PKP2: variants seen among roughly 807,000 people sequenced by gnomAD.
PKP2 encodes plakophilin 2.
A neutral mutation model predicts 83.4 loss-of-function variants in PKP2; 73 were observed. The ratio of observed to expected loss-of-function variants is 0.88; its 90% CI spans 0.72 to 1.06. PKP2 has a LOEUF of 1.06. Ranked by LOEUF, PKP2 falls within the 50% of genes least tolerant of loss-of-function variation. The probability of loss-of-function intolerance (pLI) is 0.00; values close to 1 mark genes in which losing one functional copy is unlikely to be tolerated. For synonymous variants in PKP2, 409 were observed against 430.4 expected (o/e 0.95, Z 0.62); for missense variants, 966 against 1,065.4 (o/e 0.91, Z 1.30).
intron 8 of PKP2, chr12:32,821,764 A>G: frequency 2.0e-6 from 1 of 493,046 alleles, no homozygotes; most frequent in Non-Finnish European, 3.7e-6. Context: ...TATTTCTCCC[A>G]GTGAGAGAAA....
chr12:32,873,558 C>G (rs527489806), intron 3 of PKP2, among the ~76,000 whole-genome samples: 2 of 152,172 alleles, frequency 1.3e-5, no homozygotes, highest in Admixed American at 6.5e-5. Flanking sequence ...GAGACTGAGT[C>G]TTGCTCCTTC....
intron 11 of PKP2, among the ~76,000 whole-genome samples, chr12:32,793,671 C>T (rs1023476639): frequency 5.3e-5 from 7 of 131,590 alleles, no homozygotes; most frequent in African/African-American, 1.7e-4. Flanking sequence ...TCTCGGCTCA[C>T]TGCAACCTCC....
At chr12:32,874,799 G>A (rs182208694) in intron 3 of PKP2, among the ~76,000 whole-genome samples, 82 of 152,160 alleles carry the variant, frequency 5.4e-4, no homozygotes, top group African/African-American at 1.9e-3. Flanking sequence ...GGGGTACAGT[G>A]GCACAATCAC....
At position 32,824,187 on chromosome 12, in the gene PKP2, A is replaced by G. The variant is rs199972182; in HGVS notation, c.1557-25T>C. On this transcript the variant is annotated intron_variant, in intron 6 of 12. Transcript: ENST00000340811. ...TCTATCAGAAAAAACAAAAAACAAA[A>G]AAGTAAGTCTAGGCTGTGTATCCAA... 95 of 1,464,040 alleles carry G rather than the reference A, an allele frequency of 6.5e-5. No homozygotes were observed. In the African/African-American group the frequency reaches 1.3e-3, roughly 19 times the overall value. The allele number at this position is 1,464,040 out of a possible 1,614,324, so 90.7% of individuals were successfully genotyped here.
chr12:32,873,151 G>A (rs535860217), intron 3 of PKP2, among the ~76,000 whole-genome samples: 2 of 151,878 alleles, frequency 1.3e-5, no homozygotes, highest in Non-Finnish European at 2.9e-5. Context: ...CCAGGCTGGA[G>A]TGCAGTGTCA....
intron 5 of PKP2, chr12:32,843,046 C>T: frequency 2.8e-6 from 1 of 354,334 alleles, no homozygotes; most frequent in East Asian, 7.4e-5. Flanking sequence ...GTGGCACAAT[C>T]TTGGCTCACT....
chr12:32,831,754 C>T (rs935466178), intron 6 of PKP2, among the ~76,000 whole-genome samples: 3 of 152,060 alleles, frequency 2.0e-5, no homozygotes, highest in Non-Finnish European at 2.9e-5. Flanking sequence ...TAATCTGGAC[C>T]AATCTGGTAA....
chr12:32,804,907 C>T (rs1305400774), intron 9 of PKP2, among the ~76,000 whole-genome samples: 1 of 152,238 alleles, frequency 6.6e-6, no homozygotes, highest in African/African-American at 2.4e-5. Context: ...AACTAATTTG[C>T]ACTCCCACCA....
intron 6 of PKP2, among the ~76,000 whole-genome samples, chr12:32,835,212 C>A (rs1956534536): frequency 1.3e-5 from 2 of 152,032 alleles, no homozygotes; most frequent in South Asian, 4.1e-4. Context: ...CGCCACTACA[C>A]CCAGCTAATT....
intron 4 of PKP2, among the ~76,000 whole-genome samples, chr12:32,865,110 C>G (rs1309019745): frequency 6.6e-6 from 1 of 151,932 alleles, no homozygotes; most frequent in South Asian, 2.1e-4. Context: ...TGTGGTGGCT[C>G]ACACCTGTAA....
chr12:32,819,104 C>G (rs968004437), intron 9 of PKP2, among the ~76,000 whole-genome samples: 1 of 151,784 alleles, frequency 6.6e-6, no homozygotes, highest in African/African-American at 2.4e-5. Context: ...ATGGTGAAAC[C>G]TCATCTCTAC....
At position 32,824,033 on chromosome 12, in the gene PKP2, C is replaced by G. The variant is rs1592738555; in HGVS notation, c.1674+12G>C. 10 of 1,448,626 alleles carry G rather than the reference C, an allele frequency of 6.9e-6. No homozygotes were observed. The highest frequency in any genetic ancestry group is 9.7e-6 in the Non-Finnish European group (10 of 1,030,780). 89.7% of individuals were successfully genotyped at this position (1,448,626 alleles called of 1,614,324 possible). On this transcript the variant is annotated intron_variant, in intron 7 of 12. Transcript: ENST00000340811. ...TAGTAAGACAAAACAGGATATTTATCTCTTGAATTACCTTGTCATCTGGCT... is the reference window on the plus strand; with the variant it reads ...TAGTAAGACAAAACAGGATATTTATGTCTTGAATTACCTTGTCATCTGGCT...
chr12:32,895,352 C>T (rs1163487138), intron 1 of PKP2, among the ~76,000 whole-genome samples: 1 of 152,180 alleles, frequency 6.6e-6, no homozygotes, highest in East Asian at 1.9e-4. Flanking sequence ...CTTTTACACA[C>T]ACAGTACAGC....
Position 32,807,328 on chromosome 12 carries a change from T to G in PKP2, c.2014-4772A>C, listed in dbSNP as rs189023292. On this transcript the variant is annotated intron_variant, in intron 9 of 12. Transcript: ENST00000340811. ...GATCTTTGCTGGTGTAAAGTCTGTT[T>G]TGTCAGAACTAGGATTGCAACCCTT... 4.6e-5 allele frequency among the ~76,000 whole-genome samples: 7 copies of G among 152,314 alleles called. No individual in the cohort carries two copies. The East Asian group carries it at 1.2e-3, about 25-fold the overall frequency.
At chr12:32,891,278 T>A (rs1246076410) in intron 1 of PKP2, among the ~76,000 whole-genome samples, 5 of 152,186 alleles carry the variant, frequency 3.3e-5, no homozygotes, top group African/African-American at 4.8e-5. Context: ...TGGAAATAAA[T>A]CATCTTATAG....
chr12:32,795,267 A>G (rs555088467), intron 11 of PKP2, among the ~76,000 whole-genome samples: 12 of 152,262 alleles, frequency 7.9e-5, no homozygotes, highest in African/African-American at 2.9e-4. Flanking sequence ...TCTATTATCA[A>G]AAGGGAATAA....
intron 6 of PKP2, among the ~76,000 whole-genome samples, chr12:32,827,162 C>T (rs567063282): frequency 1.4e-4 from 22 of 152,274 alleles, no homozygotes; most frequent in East Asian, 3.9e-4. Flanking sequence ...GTGTTTATTT[C>T]GGGTTAGAAT....
chr12:32,889,043 G>C (rs1228672608), intron 1 of PKP2, among the ~76,000 whole-genome samples: 1 of 152,186 alleles, frequency 6.6e-6, no homozygotes, highest in Non-Finnish European at 1.5e-5. Context: ...GGAAATATCT[G>C]TGACTCACAA....
intron 4 of PKP2, among the ~76,000 whole-genome samples, chr12:32,862,153 C>T (rs749704476): frequency 6.6e-6 from 1 of 152,106 alleles, no homozygotes; most frequent in Non-Finnish European, 1.5e-5. Context: ...CGCCTCAGTC[C>T]TCCAAAGGGC....
Sources: allele counts gnomAD v4.1 joint callset (sites outside exome capture counted in the v4.1 genomes callset), GRCh38; gene constraint gnomAD v4.1.1; transcripts MANE v1.5; gene names NCBI Gene and HGNC (gene_info 2026-07-23, HGNC 2026-07-21).